Variants in ENOX1 observed in about 807,000 individuals in gnomAD.
ENOX1 encodes the protein ecto-NOX disulfide-thiol exchanger 1.
ENOX1 carries 42 observed loss-of-function variants against 82.5 expected under a neutral mutation model. The ratio of observed to expected loss-of-function variants is 0.51; its 90% CI spans 0.40 to 0.66. The LOEUF (loss-of-function observed/expected upper bound fraction) is 0.66. Ranked by LOEUF, ENOX1 falls within the 30% of genes least tolerant of loss-of-function variation. ENOX1 has a pLI of 0.00. For missense variants in ENOX1, 608 were observed against 811.6 expected (o/e 0.75, Z 3.05); for synonymous variants, 271 against 282.2 (o/e 0.96, Z 0.40).
At chr13:43,311,907 G>A (rs1043716465) in intron 11 of ENOX1, among the ~76,000 whole-genome samples, 6 of 152,124 alleles carry the variant, frequency 3.9e-5, no homozygotes, top group Admixed American at 2.6e-4. Flanking sequence ...TAGGAGGCTC[G>A]GTAGATAAAC....
At chr13:43,550,121 C>G (rs542979555) in intron 2 of ENOX1, among the ~76,000 whole-genome samples, 1 of 152,284 alleles carries the variant, frequency 6.6e-6, no homozygotes, top group Admixed American at 6.5e-5. Flanking sequence ...CTTCGGTGAT[C>G]TGATAGGAGG....
chr13:43,340,889 T>G (rs2049011381), intron 9 of ENOX1, among the ~76,000 whole-genome samples: 1 of 152,226 alleles, frequency 6.6e-6, no homozygotes, highest in South Asian at 2.1e-4. Context: ...TGATATATAT[T>G]GATGACTTGA....
At chr13:43,430,821 A>G (rs1479726002) in intron 3 of ENOX1, among the ~76,000 whole-genome samples, 1 of 151,926 alleles carries the variant, frequency 6.6e-6, no homozygotes, top group African/African-American at 2.4e-5. Flanking sequence ...TGTAGCAGTT[A>G]AAAAAATTGC....
At chr13:43,741,083 C>CTTT in intron 1 of ENOX1, among the ~76,000 whole-genome samples, 1 of 127,148 alleles carries the variant, frequency 7.9e-6, no homozygotes, top group East Asian at 2.3e-4. Context: ...ATGGCTGAAA[C>CTTT]TTTTTTTTTT....
chr13:43,400,130 TG>T (rs1169154229), intron 5 of ENOX1, among the ~76,000 whole-genome samples: 12 of 152,160 alleles, frequency 7.9e-5, no homozygotes, highest in African/African-American at 2.7e-4. Flanking sequence ...GCCTGCCTAC[TG>T]GGAGGACACA....
chr13:43,470,360 A>G (rs796931255), intron 3 of ENOX1, among the ~76,000 whole-genome samples: 5,669 of 67,596 alleles, frequency 0.084, 1,715 homozygotes, highest in East Asian at 0.23. Context: ...ATATGTATAT[A>G]TATACGTATA....
intron 2 of ENOX1, among the ~76,000 whole-genome samples, chr13:43,508,134 G>A (rs1007145168): frequency 3.3e-5 from 5 of 152,050 alleles, no homozygotes; most frequent in African/African-American, 1.2e-4. Flanking sequence ...TCATTGTGCT[G>A]TTATTAAGAG....
chr13:43,215,919 G>A (rs545586210), intron 16 of ENOX1, among the ~76,000 whole-genome samples: 85 of 152,220 alleles, frequency 5.6e-4, no homozygotes, highest in African/African-American at 1.9e-3. Flanking sequence ...GACTTAGGCC[G>A]GGCGTTGTAG....
At chr13:43,680,344 G>T (rs1044278535) in intron 1 of ENOX1, among the ~76,000 whole-genome samples, 1 of 152,138 alleles carries the variant, frequency 6.6e-6, no homozygotes, top group Admixed American at 6.5e-5. Context: ...GAACAGCTTT[G>T]CCCCTAGAGG....
At chr13:43,719,325 A>ACACACACC (rs2088393421) in intron 1 of ENOX1, among the ~76,000 whole-genome samples, 2 of 151,276 alleles carry the variant, frequency 1.3e-5, no homozygotes, top group Non-Finnish European at 3.0e-5. Flanking sequence ...ACACACACAC[A>ACACACACC]CACACACACA....
At chr13:43,608,457 G>A (rs2082062021) in intron 2 of ENOX1, among the ~76,000 whole-genome samples, 1 of 152,116 alleles carries the variant, frequency 6.6e-6, no homozygotes. Context: ...ATTTTCCCGT[G>A]TTTATCTTTG....
intron 12 of ENOX1, among the ~76,000 whole-genome samples, chr13:43,283,070 G>T (rs1222200374): frequency 6.7e-6 from 1 of 149,068 alleles, no homozygotes; most frequent in Admixed American, 6.8e-5. Flanking sequence ...GTGACAGAGC[G>T]AGACTCGGTC....
intron 12 of ENOX1, among the ~76,000 whole-genome samples, chr13:43,274,454 C>G (rs762739483): frequency 2.0e-5 from 3 of 152,186 alleles, no homozygotes; most frequent in Non-Finnish European, 4.4e-5. Flanking sequence ...CCTATAAAAA[C>G]GGAGGTAGTT....
intron 3 of ENOX1, among the ~76,000 whole-genome samples, chr13:43,432,750 T>A (rs1032170241): frequency 1.3e-5 from 2 of 152,256 alleles, no homozygotes; most frequent in East Asian, 3.8e-4. Context: ...GATTCATTTA[T>A]GAATTGCTTT....
intron 5 of ENOX1, among the ~76,000 whole-genome samples, chr13:43,365,102 C>T (rs996959312): frequency 1.4e-4 from 22 of 152,300 alleles, no homozygotes; most frequent in African/African-American, 4.8e-4. Context: ...GTGCCTGGGC[C>T]GCCCTTCCTC....
intron 3 of ENOX1, among the ~76,000 whole-genome samples, chr13:43,440,952 C>T (rs7337032): frequency 0.043 from 6,528 of 152,192 alleles, 483 homozygotes; most frequent in African/African-American, 0.15. Context: ...AAGGTTACAC[C>T]ACCTCTGTGG....
chr13:43,563,181 C>A (rs963187710), intron 2 of ENOX1, among the ~76,000 whole-genome samples: 11 of 152,072 alleles, frequency 7.2e-5, no homozygotes, highest in Non-Finnish European at 1.3e-4. Flanking sequence ...AAAATCACAT[C>A]AAGTATCTTA....
At chr13:43,236,067 T>A (rs759631802) in intron 15 of ENOX1, among the ~76,000 whole-genome samples, 2 of 152,268 alleles carry the variant, frequency 1.3e-5, no homozygotes, top group Middle Eastern at 6.8e-3. Flanking sequence ...AAGTAAGACA[T>A]CTGGATCCAC....
rs143934629 is a variant in ENOX1, at chr13:43,652,539, G to A, written c.-219+14940C>T. ...AGACGAAATAACTTAGAAACATAGA[G>A]GATAAAGTGGTCCATAGGGTTAGTA... On this transcript the variant is annotated intron_variant, in intron 2 of 16. Coordinates refer to ENST00000690772, the MANE Select transcript of ENOX1 (RefSeq NM_001347969.2). 2.5e-4 allele frequency among the ~76,000 whole-genome samples: 38 copies of A among 152,274 alleles called. No homozygotes were observed. In the East Asian group the frequency reaches 7.1e-3, roughly 29 times the overall value.
Sources: allele counts gnomAD v4.1 joint callset (sites outside exome capture counted in the v4.1 genomes callset), GRCh38; gene constraint gnomAD v4.1.1; transcripts MANE v1.5; gene names NCBI Gene and HGNC (gene_info 2026-07-23, HGNC 2026-07-21).